The following PLEKHO2 variants were observed in gnomAD, a reference collection of about 807,000 sequenced individuals.
PLEKHO2 encodes the protein pleckstrin homology domain-containing family O member 2.
Under a neutral mutation model 32.7 loss-of-function variants are expected in PLEKHO2, and 20 were observed. The ratio of observed to expected loss-of-function variants is 0.61; its 90% CI spans 0.43 to 0.89. The LOEUF (loss-of-function observed/expected upper bound fraction) is 0.89. Among genes scored for constraint, PLEKHO2 ranks in the 40% least tolerant of loss-of-function variants. The probability of loss-of-function intolerance (pLI) is 0.00; values close to 1 mark genes in which losing one functional copy is unlikely to be tolerated. For missense variants in PLEKHO2, 568 were observed against 621.2 expected (o/e 0.91, Z 0.91); for synonymous variants, 247 against 246.3 (o/e 1.00, Z -0.03).
chr15:64,856,330 T>C lies in PLEKHO2; in HGVS notation c.279+1293T>C, dbSNP rs118165298. On this transcript the variant is annotated intron_variant, in intron 3 of 5. Transcript: ENST00000323544. Reference sequence around the variant, plus strand: ...CTGCCACCTGTGTGTCTGGCCCTTATGTGTGTATCTTTTTTTAATGCAGGT... The same window carrying C: ...CTGCCACCTGTGTGTCTGGCCCTTACGTGTGTATCTTTTTTTAATGCAGGT... Among the ~76,000 whole-genome samples, 68 of 152,092 alleles carry C rather than the reference T, an allele frequency of 4.5e-4. 1 individual carries two copies. Among genetic ancestry groups the C allele is most frequent in the African/African-American group, 1.5e-3 (62 of 41,472 alleles).
At chr15:64,860,039 T>G (rs1288362136) in intron 4 of PLEKHO2, 41 bp downstream of exon 4, 1 of 1,562,326 alleles carries the variant, frequency 6.4e-7, no homozygotes, top group East Asian at 2.2e-5. Context: ...CTGTGTCTCC[T>G]TTCCCACTGC....
intron 2 of PLEKHO2, among the ~76,000 whole-genome samples, chr15:64,850,859 C>T (rs887147329): frequency 6.6e-6 from 1 of 152,178 alleles, no homozygotes; most frequent in Non-Finnish European, 1.5e-5. Flanking sequence ...TTGAGGCTAT[C>T]GGAGGGCCCA....
At position 64,841,987 on chromosome 15, in the gene PLEKHO2, G is replaced by A; in HGVS notation, c.-30G>A. The A allele has an allele frequency of 8.0e-7, 1 of 1,247,054 alleles. No individual in the cohort carries two copies. Among genetic ancestry groups the A allele is most frequent in the Non-Finnish European group, 1.0e-6 (1 of 996,222 alleles). 77.2% of individuals were successfully genotyped at this position (1,247,054 alleles called of 1,614,324 possible). A position where few individuals can be genotyped will look rare whatever the true frequency, so the allele number is the denominator to read the frequency against. On this transcript the variant is annotated 5_prime_UTR_variant, in exon 1 of 6. Transcript: ENST00000323544. ...GCCCGCGCGGCGCTGGAAGCGAGTG[G>A]CGGAGCGGCGGGACCTCGGCGGACT...
intron 1 of PLEKHO2, among the ~76,000 whole-genome samples, chr15:64,843,846 T>C (rs537521245): frequency 5.3e-5 from 8 of 152,214 alleles, no homozygotes; most frequent in South Asian, 4.1e-4. Flanking sequence ...TCCGAAAGTG[T>C]TGGGGTTACA....
intron 1 of PLEKHO2, among the ~76,000 whole-genome samples, chr15:64,843,627 C>T (rs1332774745): frequency 6.6e-6 from 1 of 150,612 alleles, no homozygotes; most frequent in Non-Finnish European, 1.5e-5. Flanking sequence ...GTTGCCCAGG[C>T]TGGAGTGCAG....
In PLEKHO2 at chr15:64,851,071, C is replaced by T. The variant is rs1684043; in HGVS notation, c.162+2329C>T. Among the ~76,000 whole-genome samples the T allele has an allele frequency of 8.9e-3, 1,349 of 152,284 alleles. 19 individuals are homozygous for T. The highest frequency in any genetic ancestry group is 0.031 in the African/African-American group (1,287 of 41,528). On this transcript the variant is annotated intron_variant, in intron 2 of 5. Transcript: ENST00000323544. ...TCCAAAGTGTTTAAAGGAGCTGCCTCGGAGAAACACCTTGTCTGACCTACC... is the reference window on the plus strand; with the variant it reads ...TCCAAAGTGTTTAAAGGAGCTGCCTTGGAGAAACACCTTGTCTGACCTACC...
Position 64,849,064 on chromosome 15 carries a change from C to T in PLEKHO2, c.162+322C>T, listed in dbSNP as rs1238241821. On this transcript the variant is annotated intron_variant, in intron 2 of 5. Coordinates refer to ENST00000323544, the MANE Select transcript of PLEKHO2 (RefSeq NM_025201.5). ...GATCTCGGATCACTGCAACCTCCGC[C>T]GCCTGGTTCAAGCAAAGCAATTCCT... 5.0e-5 allele frequency among the ~76,000 whole-genome samples: 4 copies of T among 79,722 alleles called. No homozygotes were observed. The Admixed American group carries it at 5.5e-4, about 11-fold the overall frequency. 52.3% of individuals were successfully genotyped at this position (79,722 alleles called of 152,430 possible).
intron 1 of PLEKHO2, among the ~76,000 whole-genome samples, chr15:64,843,387 C>G (rs1256290788): frequency 1.3e-5 from 2 of 152,160 alleles, no homozygotes; most frequent in African/African-American, 4.8e-5. Context: ...CATCTGCCTG[C>G]CCCAGGCCCC....
chr15:64,852,451 A>C (rs1489758239), intron 2 of PLEKHO2, among the ~76,000 whole-genome samples: 1 of 152,200 alleles, frequency 6.6e-6, no homozygotes, highest in Admixed American at 6.5e-5. Flanking sequence ...GAGAGAGTCG[A>C]TTAGTAGTTA....
At chr15:64,852,149 G>T (rs1299884240) in intron 2 of PLEKHO2, among the ~76,000 whole-genome samples, 1 of 152,156 alleles carries the variant, frequency 6.6e-6, no homozygotes, top group South Asian at 2.1e-4. Context: ...ACCTCATAGG[G>T]TGTCTGCATC....
At chr15:64,864,303 G>A (rs1317590583) in intron 5 of PLEKHO2, among the ~76,000 whole-genome samples, 2 of 152,188 alleles carry the variant, frequency 1.3e-5, no homozygotes, top group South Asian at 2.1e-4. Context: ...GATGACATGA[G>A]GAGAGTGGGC....
Position 64,859,993 on chromosome 15 carries a change from G to A in PLEKHO2, c.379G>A (p.Asp127Asn), listed in dbSNP as rs764736754. The change falls in exon 4 of 6, where the codon GAT becomes AAT. Residue 127 changes from aspartate (D) to asparagine (N), a missense_variant. Asp to Asn is a conservative substitution (Grantham distance 23). Transcript: ENST00000323544. ...TAACCGAGGCAAAAACAAGGCTTTC[G>A]ATGAGGTGCGATGCAGTCTGTGGAC... ...GINRGKNKAF[D>N]EVKVDKSCAL... 108 of 1,613,494 alleles carry A rather than the reference G, an allele frequency of 6.7e-5. 2 individuals carry two copies. The Middle Eastern group carries it at 9.7e-3, about 146-fold the overall frequency.
At chr15:64,860,770 G>A (rs1003346485) in intron 4 of PLEKHO2, among the ~76,000 whole-genome samples, 3 of 152,342 alleles carry the variant, frequency 2.0e-5, no homozygotes, top group South Asian at 4.1e-4. Context: ...CCCGTTCCAC[G>A]GGAGAGGGAT....
At chr15:64,842,862 C>T (rs1216985319) in intron 1 of PLEKHO2, among the ~76,000 whole-genome samples, 1 of 152,234 alleles carries the variant, frequency 6.6e-6, no homozygotes, top group East Asian at 1.9e-4. Flanking sequence ...GAGGGTCCAG[C>T]ACGCAGCAAG....
At chr15:64,851,213 A>C (rs2084565876) in intron 2 of PLEKHO2, among the ~76,000 whole-genome samples, 1 of 152,178 alleles carries the variant, frequency 6.6e-6, no homozygotes, top group Non-Finnish European at 1.5e-5. Context: ...TCCCACCAAA[A>C]TAGGATGTGC....
Position 64,865,913 on chromosome 15 carries a change from C to A in PLEKHO2, c.*25C>A. On this transcript the variant is annotated 3_prime_UTR_variant, in exon 6 of 6. Coordinates refer to ENST00000323544, the MANE Select transcript of PLEKHO2 (RefSeq NM_025201.5). ...GGGCCTTCTGGGCCAGAGGCACCATCCCTTCTGGCCATCCATCAAGTCCAT... is the reference window on the plus strand; with the variant it reads ...GGGCCTTCTGGGCCAGAGGCACCATACCTTCTGGCCATCCATCAAGTCCAT... The A allele has an allele frequency of 6.3e-7, 1 of 1,578,856 alleles. No homozygotes were observed. The highest frequency in any genetic ancestry group is 1.1e-5 in the South Asian group (1 of 89,200).
intron 1 of PLEKHO2, among the ~76,000 whole-genome samples, chr15:64,845,561 G>C (rs984439521): frequency 6.6e-6 from 1 of 152,198 alleles, no homozygotes; most frequent in African/African-American, 2.4e-5. Context: ...GTCCTCCCCT[G>C]GGTGGCTGTT....
Position 64,864,942 on chromosome 15 carries a change from A to G in PLEKHO2, c.527A>G (p.Asp176Gly), listed in dbSNP as rs765253776. 6.2e-7 allele frequency: 1 copy of G among 1,613,476 alleles called. No homozygotes were observed. Among genetic ancestry groups the G allele is most frequent in the Non-Finnish European group, 8.5e-7 (1 of 1,179,656 alleles). The change falls in exon 6 of 6, where the codon GAT becomes GGT. Residue 176 changes from aspartate (D) to glycine (G), a missense_variant. Transcript: ENST00000323544. ...GACGGTCTTCTGCGCCTGGATCTTGATGTTCCGGACAGTGGGCCACCAGTG... is the reference window on the plus strand; with the variant it reads ...GACGGTCTTCTGCGCCTGGATCTTGGTGTTCCGGACAGTGGGCCACCAGTG... ...ASDGLLRLDL[D>G]VPDSGPPVFA...
chr15:64,859,830 C>T, intron 3 of PLEKHO2, 64 bp from the exon 4 acceptor site: 2 of 1,433,516 alleles, frequency 1.4e-6, no homozygotes, highest in Non-Finnish European at 9.8e-7. Context: ...AGGAAGCCTC[C>T]TTAAGATGCC....
Sources: allele counts gnomAD v4.1 joint callset (sites outside exome capture counted in the v4.1 genomes callset), GRCh38; gene constraint gnomAD v4.1.1; transcripts MANE v1.5; gene names NCBI Gene and HGNC (gene_info 2026-07-23, HGNC 2026-07-21).